Variants in TMEM9B observed in about 807,000 individuals in gnomAD.
TMEM9B encodes transmembrane protein 9B.
In TMEM9B, 8 loss-of-function variants were observed where a neutral mutation model predicts 23.5. The ratio of observed to expected loss-of-function variants is 0.34; its 90% confidence interval spans 0.20 to 0.61. The LOEUF (loss-of-function observed/expected upper bound fraction) is 0.61, where lower values mean the gene tolerates loss of function less well. Ranked by LOEUF, TMEM9B falls within the 20% of genes least tolerant of loss-of-function variation. The pLI is 0.78. For missense variants in TMEM9B, 197 were observed against 252.3 expected (o/e 0.78, Z 1.49); for synonymous variants, 106 against 96.3 (o/e 1.10, Z -0.59).
intron 2 of TMEM9B, among the ~76,000 whole-genome samples, chr11:8,960,591 C>A (rs1310888154): frequency 6.6e-6 from 1 of 152,066 alleles, no homozygotes; most frequent in East Asian, 1.9e-4. Flanking sequence ...AAAAGACAGG[C>A]ATTGCATTTC....
intron 2 of TMEM9B, among the ~76,000 whole-genome samples, chr11:8,958,639 C>T (rs1314484400): frequency 1.4e-5 from 2 of 145,684 alleles, no homozygotes; most frequent in Non-Finnish European, 3.0e-5. Flanking sequence ...ATGGTGTGAT[C>T]TTCCTCAACA....
At chr11:8,952,319 C>CGTGTGT (rs139281160) in intron 4 of TMEM9B, among the ~76,000 whole-genome samples, 48,105 of 148,746 alleles carry the variant, frequency 0.32, 9,501 homozygotes, top group Non-Finnish European at 0.43. Flanking sequence ...AATGTACACA[C>CGTGTGT]GTGTGTGTGT....
intron 4 of TMEM9B, among the ~76,000 whole-genome samples, chr11:8,952,518 C>T (rs1426652210): frequency 6.6e-6 from 1 of 151,974 alleles, no homozygotes; most frequent in African/African-American, 2.4e-5. Flanking sequence ...TCAAGTGACA[C>T]TCCTGTCTCA....
At position 8,957,878 on chromosome 11, in the gene TMEM9B, C is replaced by G. The variant is rs893863665; in HGVS notation, c.198-1580G>C. Among the ~76,000 whole-genome samples, 4 of 152,092 alleles carry G rather than the reference C, an allele frequency of 2.6e-5. No individual in the cohort carries two copies. The highest frequency in any genetic ancestry group is 9.7e-5 in the African/African-American group (4 of 41,416). On this transcript the variant is annotated intron_variant, in intron 2 of 4. Coordinates refer to ENST00000534025, the MANE Select transcript of TMEM9B (RefSeq NM_020644.3). The surrounding 1 kb of genome is among the most constrained non-coding windows in gnomAD (Gnocchi z 4.3). ...GTGTCAATTAAAAATTAATTTCAGC[C>G]GGGCGCAGTGGCTCATGCCTGTAAT...
chr11:8,959,057 G>A (rs2134873649), intron 2 of TMEM9B, among the ~76,000 whole-genome samples: 1 of 152,260 alleles, frequency 6.6e-6, no homozygotes, highest in Non-Finnish European at 1.5e-5. Context: ...ATGGGCAGAG[G>A]GAACTATATC....
chr11:8,949,581 G>A (rs1033983142), intron 4 of TMEM9B, among the ~76,000 whole-genome samples: 9 of 152,188 alleles, frequency 5.9e-5, no homozygotes, highest in Admixed American at 4.6e-4. Context: ...TCCAGGGCAG[G>A]AGTCTGCATG....
At position 8,961,774 on chromosome 11, in the gene TMEM9B, G is replaced by C. The variant is rs138051528; in HGVS notation, c.197+318C>G. ...GCTAACCTTCCACTGAAAAGCAAGA[G>C]GGAGAAAGGTCCCTCACCAAAACTT... is the stretch of plus-strand genomic sequence containing the variant. On this transcript the variant is annotated intron_variant, in intron 2 of 4. Coordinates refer to ENST00000534025, the MANE Select transcript of TMEM9B (RefSeq NM_020644.3). Among the ~76,000 whole-genome samples the C allele has an allele frequency of 2.2e-3, 336 of 152,294 alleles. 1 individual carries two copies. The highest frequency in any genetic ancestry group is 7.7e-3 in the African/African-American group (318 of 41,550).
At position 8,964,202 on chromosome 11, in the gene TMEM9B, G is replaced by A. The variant is rs1261733387; in HGVS notation, c.105+7C>T. 1.3e-6 allele frequency: 2 copies of A among 1,568,312 alleles called. No homozygotes were observed. Among genetic ancestry groups the A allele is most frequent in the African/African-American group, 1.4e-5 (1 of 73,734 alleles). ...TTCCGTCAGGAGCGAGGCTGGGCGGGACTCACCTTGGCGGCGTCTGACAGC... is the reference window on the plus strand; with the variant it reads ...TTCCGTCAGGAGCGAGGCTGGGCGGAACTCACCTTGGCGGCGTCTGACAGC... On this transcript the variant is annotated splice_region_variant and intron_variant, in intron 1 of 4. Transcript: ENST00000534025.
At position 8,962,105 on chromosome 11, in the gene TMEM9B, A is replaced by T; in HGVS notation, c.184T>A (p.Ser62Thr). ...NSGHIYNKNI[S>T]QKDCDCLHVV... ...CCAGATACTTACCAATCTTTCTGAG[A>T]TATGTTCTTATTATAAATATGCCCA... Residue 62 changes from serine (S) to threonine (T), a missense_variant, in exon 2 of 5, where the codon TCT (serine) becomes ACT (threonine). This residue lies in a region of TMEM9B where 141 missense variants were observed against 214.1 expected (regional missense o/e 0.66). Coordinates refer to ENST00000534025, the MANE Select transcript of TMEM9B (RefSeq NM_020644.3). 6.3e-7 allele frequency: 1 copy of T among 1,589,906 alleles called. No individual in the cohort carries two copies. Among genetic ancestry groups the T allele is most frequent in the Non-Finnish European group, 8.6e-7 (1 of 1,167,602 alleles).
chr11:8,964,768 G>A (rs780122721), upstream of TMEM9B: 206 of 165,094 alleles, frequency 1.2e-3, 1 homozygote, highest in Non-Finnish European at 1.2e-3. Context: ...GGAGCCGTTC[G>A]CGCACAGGCA....
At chr11:8,955,666 C>T (rs554637769) in intron 3 of TMEM9B, among the ~76,000 whole-genome samples, 12 of 151,628 alleles carry the variant, frequency 7.9e-5, no homozygotes, top group South Asian at 6.3e-4. Flanking sequence ...GGTGGTAATG[C>T]GAATGATGGG....
At chr11:8,949,542 GT>G (rs1491003038) in intron 4 of TMEM9B, among the ~76,000 whole-genome samples, 2 of 152,192 alleles carry the variant, frequency 1.3e-5, no homozygotes, top group Non-Finnish European at 2.9e-5. Context: ...TTATTTTGCT[GT>G]GCATGTTTGA....
At chr11:8,950,019 G>A (rs936697612) in intron 4 of TMEM9B, among the ~76,000 whole-genome samples, 4 of 151,162 alleles carry the variant, frequency 2.6e-5, no homozygotes, top group Non-Finnish European at 4.4e-5. Context: ...CTGCCTCAGC[G>A]TCCCAAGTAG....
chr11:8,959,593 T>C (rs1337179521), intron 2 of TMEM9B, among the ~76,000 whole-genome samples: 1 of 152,228 alleles, frequency 6.6e-6, no homozygotes, highest in African/African-American at 2.4e-5. Context: ...TGAGTATTTC[T>C]TTTGAAGGAT....
chr11:8,948,175 A>C lies in TMEM9B; in HGVS notation c.*145T>G. The stretch of plus-strand genomic sequence containing the variant: ...ATTACGTTAACAAGAAAAAAAAATC[A>C]AGCAAGTTTTTGCTTCCAGTTTTGA... On this transcript the variant is annotated 3_prime_UTR_variant, in exon 5 of 5. Transcript: ENST00000534025. 2 of 1,026,670 alleles carry C rather than the reference A, an allele frequency of 1.9e-6. No individual in the cohort carries two copies. Among genetic ancestry groups the C allele is most frequent in the Non-Finnish European group, 2.8e-6 (2 of 720,968 alleles). 63.6% of individuals were successfully genotyped at this position (1,026,670 alleles called of 1,614,324 possible).
chr11:8,964,275 G>C lies in TMEM9B; in HGVS notation c.39C>G (p.Ser13=). Residue 13 remains serine, a synonymous_variant, in exon 1 of 5, where the codon TCC becomes TCG. Coordinates refer to ENST00000534025, the MANE Select transcript of TMEM9B (RefSeq NM_020644.3). ...TLWGGLLRLG[S]LLSLSCLALS... is the part of the protein sequence containing the mutation. The stretch of plus-strand genomic sequence containing the variant: ...GCGCCAGGCACGACAGGCTGAGCAA[G>C]GAGCCAAGCCGAAGAAGGCCTCCCC... 6.3e-7 allele frequency: 1 copy of C among 1,595,516 alleles called. No homozygotes were observed. Among genetic ancestry groups the C allele is most frequent in the African/African-American group, 1.3e-5 (1 of 74,652 alleles).
chr11:8,952,070 C>A (rs994153574), intron 4 of TMEM9B, among the ~76,000 whole-genome samples: 5 of 152,148 alleles, frequency 3.3e-5, no homozygotes, highest in Non-Finnish European at 5.9e-5. Flanking sequence ...AGTCACGCCA[C>A]TGCACTCCAG....
In TMEM9B at chr11:8,961,741, C is replaced by T. The variant is rs952423313; in HGVS notation, c.197+351G>A. On this transcript the variant is annotated intron_variant, in intron 2 of 4. Coordinates refer to ENST00000534025, the MANE Select transcript of TMEM9B (RefSeq NM_020644.3). ...TTGTAAAAATTATAACCCAGACAAA[C>T]GAGGCTTGCTAACCTTCCACTGAAA... Among the ~76,000 whole-genome samples the T allele has an allele frequency of 4.6e-5, 7 of 152,150 alleles. No individual in the cohort carries two copies. In the South Asian group the frequency reaches 6.2e-4, roughly 14 times the overall value.
At chr11:8,954,582 C>G (rs1254738927) in intron 3 of TMEM9B, among the ~76,000 whole-genome samples, 1 of 152,052 alleles carries the variant, frequency 6.6e-6, no homozygotes. Context: ...AGCCACCATG[C>G]CTGGCCTGAA....
Sources: gnomAD v4.1 joint callset for allele counts (sites outside exome capture counted in the v4.1 genomes callset) on GRCh38, gnomAD v4.1.1 for gene constraint, gnomAD v4.1.1 regional missense constraint, Gnocchi (gnomAD v3.1) non-coding constraint, MANE v1.5 for transcripts, NCBI Gene and HGNC (gene_info 2026-07-23, HGNC 2026-07-21) for gene names.